Variants in CFAP251 observed in about 807,000 individuals in gnomAD.
CFAP251 encodes cilia and flagella associated protein 251.
Under a neutral mutation model 126.7 loss-of-function variants are expected in CFAP251, and 93 were observed. The ratio of observed to expected loss-of-function variants is 0.73; its 90% CI spans 0.62 to 0.87. The LOEUF (loss-of-function observed/expected upper bound fraction) is 0.87. Ranked by LOEUF, CFAP251 falls within the 40% of genes least tolerant of loss-of-function variation. CFAP251 has a pLI of 0.00. For synonymous variants in CFAP251, 503 were observed against 506.9 expected, an observed-to-expected ratio of 0.99 and a Z score of 0.10; for missense variants, 1,287 against 1,389.2, an observed-to-expected ratio of 0.93 and a Z score of 1.17.
chr12:121,998,432 AATATATATAT>A (rs71082926), intron 19 of CFAP251: 2,944 of 83,002 alleles, frequency 0.035, 91 homozygotes, highest in Non-Finnish European at 0.047. Context: ...TTTTTAGTGT[AATATATATAT>A]ATATATATAT....
intron 19 of CFAP251, among the ~76,000 whole-genome samples, chr12:121,983,894 T>C (rs550374230): frequency 6.8e-4 from 103 of 152,218 alleles, no homozygotes; most frequent in Non-Finnish European, 1.3e-3. Flanking sequence ...GTCAGATTTA[T>C]AGTGATTAAA....
chr12:121,993,960 C>G (rs1882955954), intron 19 of CFAP251, among the ~76,000 whole-genome samples: 1 of 97,096 alleles, frequency 1.0e-5, no homozygotes, highest in South Asian at 3.5e-4. Context: ...AGCACCCCGT[C>G]CGGGAGGGAG....
intron 14 of CFAP251, 27 bp from the exon 15 acceptor site, chr12:121,961,949 CAT>C (rs764476991): frequency 6.2e-7 from 1 of 1,604,770 alleles, no homozygotes; most frequent in South Asian, 1.1e-5. Context: ...GCTTGGTCCT[CAT>C]GTGTGTCCAT....
At chr12:121,928,692 A>AT in intron 3 of CFAP251, among the ~76,000 whole-genome samples, 1 of 40,622 alleles carries the variant, frequency 2.5e-5, no homozygotes, top group South Asian at 5.1e-4. Context: ...ATATATACGT[A>AT]TATATATATA....
At position 121,944,803 on chromosome 12, in the gene CFAP251, G is replaced by A. The variant is rs74538720; in HGVS notation, c.1191+1828G>A. On this transcript the variant is annotated intron_variant, in intron 7 of 21. Transcript: ENST00000288912. The stretch of plus-strand genomic sequence containing the variant: ...ATTAAAATGAAAAAAAATCTTTTTT[G>A]AGACAGGGTCTCACTGCTGTCCAGT... 1.3e-3 allele frequency among the ~76,000 whole-genome samples: 198 copies of A among 152,132 alleles called. 5 individuals are homozygous for A. The East Asian group carries it at 0.036, about 28-fold the overall frequency.
chr12:121,951,312 C>T, intron 8 of CFAP251, 168 bp from the exon 9 acceptor site: 2 of 455,732 alleles, frequency 4.4e-6, no homozygotes, highest in Non-Finnish European at 7.9e-6. Context: ...ATTTGCTTTT[C>T]TTTCAGAATG....
intron 1 of CFAP251, 92 bp from the exon 2 acceptor site, chr12:121,921,194 A>G: frequency 1.5e-6 from 2 of 1,369,796 alleles, no homozygotes; most frequent in Non-Finnish European, 2.0e-6. Context: ...GAACAGAGCC[A>G]TTTATGCACA....
At chr12:121,967,157 T>C in intron 16 of CFAP251, 88 bp downstream of exon 16, 1 of 1,308,226 alleles carries the variant, frequency 7.6e-7, no homozygotes, top group East Asian at 2.4e-5. Context: ...ACTCAGAGAG[T>C]TCTGGGTTTA....
intron 18 of CFAP251, 92 bp from the exon 19 acceptor site, chr12:121,975,450 A>G (rs1882433592): frequency 6.3e-7 from 1 of 1,579,148 alleles, no homozygotes. Context: ...TCAGCTTAAA[A>G]GGTACTTTCT....
chr12:121,973,055 C>G (rs1332548789), intron 17 of CFAP251, among the ~76,000 whole-genome samples: 1 of 152,198 alleles, frequency 6.6e-6, no homozygotes, highest in African/African-American at 2.4e-5. Context: ...GGCAGCCCCT[C>G]CCATCACAGT....
At position 121,928,684 on chromosome 12, in the gene CFAP251, ATATACGTATATATATATATAT is replaced by A. The variant is rs2135749538; in HGVS notation, c.748-3060_748-3040del. On this transcript the variant is annotated intron_variant, in intron 3 of 21. Transcript: ENST00000288912. ...TATATATATACGTATATATATATAT[ATATACGTATATATATATATAT>A]TTTTTTTTTGAGACAGGGTCTTGCT... Among the ~76,000 whole-genome samples the A allele has an allele frequency of 5.2e-5, 2 of 38,824 alleles. 1 individual carries two copies. Among genetic ancestry groups the A allele is most frequent in the East Asian group, 8.4e-4 (2 of 2,390 alleles). The allele number at this position is 38,824 out of a possible 152,430, so 25.5% of individuals were successfully genotyped here.
chr12:121,920,560 C>G (rs537724133), intron 1 of CFAP251, among the ~76,000 whole-genome samples: 67 of 152,146 alleles, frequency 4.4e-4, no homozygotes, highest in African/African-American at 1.6e-3. Flanking sequence ...CCAAGCCCGG[C>G]TAATTTTTTG....
chr12:121,948,681 C>T (rs1190316361), intron 7 of CFAP251: 2 of 203,144 alleles, frequency 9.8e-6, no homozygotes, highest in Non-Finnish European at 1.9e-5. Flanking sequence ...GATGGCGCCA[C>T]TGCACTCCAG....
chr12:121,919,392 G>C (rs1880064091), intron 1 of CFAP251, among the ~76,000 whole-genome samples: 1 of 152,096 alleles, frequency 6.6e-6, no homozygotes. Context: ...GGAATAAATG[G>C]AGAATATGCC....
intron 15 of CFAP251, among the ~76,000 whole-genome samples, chr12:121,966,427 ATTTT>A (rs1159106051): frequency 9.1e-5 from 5 of 54,704 alleles, no homozygotes; most frequent in African/African-American, 2.8e-4. Flanking sequence ...TGCCTGGCTA[ATTTT>A]TTTTTTTTTT....
intron 19 of CFAP251, among the ~76,000 whole-genome samples, chr12:121,981,054 C>T (rs1189659704): frequency 6.6e-6 from 1 of 152,238 alleles, no homozygotes; most frequent in Non-Finnish European, 1.5e-5. Flanking sequence ...GCTCTTCCCT[C>T]AGTATTTCCT....
chr12:121,949,248 AAAT>A (rs1881434493), intron 8 of CFAP251, 187 bp downstream of exon 8: 1 of 331,176 alleles, frequency 3.0e-6, no homozygotes. Flanking sequence ...AATCAAAAGC[AAAT>A]AATCCAATTT....
chr12:121,986,188 C>T (rs780908888), intron 19 of CFAP251, among the ~76,000 whole-genome samples: 3 of 151,862 alleles, frequency 2.0e-5, no homozygotes, highest in Non-Finnish European at 2.9e-5. Context: ...GATGGGGTTT[C>T]GCCATGTTGG....
chr12:121,967,178 C>A, intron 16 of CFAP251, 109 bp downstream of exon 16: 2 of 956,960 alleles, frequency 2.1e-6, no homozygotes, highest in Non-Finnish European at 3.2e-6. Context: ...CAGCCAAGCC[C>A]AACTGCTTCC....
Sources: gnomAD v4.1 joint callset for allele counts (sites outside exome capture counted in the v4.1 genomes callset) on GRCh38, gnomAD v4.1.1 for gene constraint, MANE v1.5 for transcripts, NCBI Gene and HGNC (gene_info 2026-07-23, HGNC 2026-07-21) for gene names.